The following MCC variants were observed in gnomAD, a reference collection of about 807,000 sequenced individuals.
MCC encodes colorectal mutant cancer protein.
In MCC, 90 loss-of-function variants were observed where a neutral mutation model predicts 116.2. The ratio of observed to expected loss-of-function variants is 0.77; its 90% confidence interval spans 0.65 to 0.92. MCC has a LOEUF of 0.92. Ranked by LOEUF, MCC falls within the 40% of genes least tolerant of loss-of-function variation. The pLI, the probability that MCC is intolerant of heterozygous loss-of-function variation, is 0.00. For missense variants in MCC, 1,516 were observed against 1,312.2 expected (o/e 1.16, Z -2.40); for synonymous variants, 578 against 510.5 (o/e 1.13, Z -1.78).
At chr5:113,073,653 C>T (rs932492744) in intron 11 of MCC, among the ~76,000 whole-genome samples, 18 of 141,918 alleles carry the variant, frequency 1.3e-4, no homozygotes, top group African/African-American at 4.5e-4. Flanking sequence ...CGCCATATGG[C>T]TGCTTTTTTT....
intron 17 of MCC, among the ~76,000 whole-genome samples, chr5:113,034,390 C>T (rs942797795): frequency 1.4e-4 from 21 of 152,160 alleles, no homozygotes; most frequent in East Asian, 3.9e-4. Context: ...CCTGGCAGTG[C>T]GGCTTCGTGA....
At chr5:113,150,194 T>C (rs1759768597) in intron 4 of MCC, among the ~76,000 whole-genome samples, 1 of 152,128 alleles carries the variant, frequency 6.6e-6, no homozygotes, top group Admixed American at 6.5e-5. Flanking sequence ...AGCCAGACAG[T>C]GACAGAAAGC....
At chr5:113,294,727 C>A (rs1240922513) in intron 3 of MCC, 2 of 1,002,060 alleles carry the variant, frequency 2.0e-6, no homozygotes, top group Non-Finnish European at 2.4e-6. Flanking sequence ...GCCACTCCTA[C>A]GGTGCCTCGC....
At chr5:113,462,119 T>A (rs765665770) in intron 1 of MCC, among the ~76,000 whole-genome samples, 17 of 152,262 alleles carry the variant, frequency 1.1e-4, no homozygotes, top group Admixed American at 2.6e-4. Context: ...TTTCTTGCTT[T>A]ACTTTTCAAA....
Position 113,484,808 on chromosome 5 carries a change from T to C in MCC, c.170+3437A>G, listed in dbSNP as rs540747603. On this transcript the variant is annotated intron_variant, in intron 1 of 18. Coordinates refer to ENST00000408903, the MANE Select transcript of MCC (RefSeq NM_001085377.2). Reference sequence around the variant, plus strand: ...AAGCTTTAAAATTCCAAAGGGAAAATAATTTCAACAAATAGAGTAACCTCC... The same window carrying C: ...AAGCTTTAAAATTCCAAAGGGAAAACAATTTCAACAAATAGAGTAACCTCC... 2.6e-5 allele frequency among the ~76,000 whole-genome samples: 4 copies of C among 152,242 alleles called. No individual in the cohort carries two copies. In the South Asian group the frequency reaches 6.2e-4, roughly 24 times the overall value.
At chr5:113,310,220 G>A (rs1767104732) in intron 3 of MCC, among the ~76,000 whole-genome samples, 1 of 152,214 alleles carries the variant, frequency 6.6e-6, no homozygotes, top group Admixed American at 6.5e-5. Flanking sequence ...TCATAAATGA[G>A]ATTAATACCC....
intron 3 of MCC, among the ~76,000 whole-genome samples, chr5:113,180,845 T>C (rs1431064775): frequency 1.3e-5 from 2 of 152,196 alleles, no homozygotes; most frequent in Non-Finnish European, 2.9e-5. Flanking sequence ...TAGTTAACAA[T>C]TACATTTTAA....
chr5:113,345,485 C>T (rs1035294042), intron 2 of MCC, among the ~76,000 whole-genome samples: 4 of 152,312 alleles, frequency 2.6e-5, no homozygotes, highest in Admixed American at 6.5e-5. Flanking sequence ...ACTTCAGGTC[C>T]GACTCAGTGT....
chr5:113,402,304 A>AAC (rs568032922), intron 1 of MCC, among the ~76,000 whole-genome samples: 1 of 143,530 alleles, frequency 7.0e-6, no homozygotes, highest in African/African-American at 2.5e-5. Context: ...AAAAAAAAAA[A>AAC]AAAAAAACAC....
intron 3 of MCC, among the ~76,000 whole-genome samples, chr5:113,262,264 T>C (rs1456275137): frequency 1.3e-5 from 2 of 152,132 alleles, no homozygotes; most frequent in African/African-American, 4.8e-5. Flanking sequence ...AATCCCATGA[T>C]TCTAGGCATA....
intron 4 of MCC, among the ~76,000 whole-genome samples, chr5:113,144,692 C>A (rs1759385828): frequency 6.6e-6 from 1 of 152,224 alleles, no homozygotes; most frequent in African/African-American, 2.4e-5. Context: ...GGGCCTGCAC[C>A]TCAACAACAG....
intron 17 of MCC, among the ~76,000 whole-genome samples, chr5:113,036,012 CTTTTTTTTTTTTTTTTTTTTT>C (rs771378295): frequency 4.8e-5 from 3 of 62,904 alleles, no homozygotes; most frequent in African/African-American, 2.0e-4. Flanking sequence ...GGATGAGGAA[CTTTTTTTTTTTTTTTTTTTTT>C]TTTTTTTTTT....
At chr5:113,184,613 C>G (rs1761805989) in intron 3 of MCC, among the ~76,000 whole-genome samples, 1 of 151,536 alleles carries the variant, frequency 6.6e-6, no homozygotes, top group South Asian at 2.1e-4. Flanking sequence ...TAGGTGTGCA[C>G]AACCACGCCC....
intron 2 of MCC, among the ~76,000 whole-genome samples, chr5:113,346,491 C>T (rs993703831): frequency 1.3e-5 from 2 of 151,988 alleles, no homozygotes; most frequent in African/African-American, 4.8e-5. Flanking sequence ...ATCCCAGCTA[C>T]TTGGGAGGCT....
chr5:113,230,384 C>T (rs781464727), intron 3 of MCC, among the ~76,000 whole-genome samples: 3 of 152,150 alleles, frequency 2.0e-5, no homozygotes, highest in African/African-American at 4.8e-5. Flanking sequence ...CAACACAGAA[C>T]ATCAATGTGT....
At chr5:113,412,964 A>G (rs1049168187) in intron 1 of MCC, among the ~76,000 whole-genome samples, 2 of 152,174 alleles carry the variant, frequency 1.3e-5, no homozygotes, top group African/African-American at 4.8e-5. Context: ...TAGCTTATTG[A>G]GAGTTTTTAG....
At chr5:113,235,481 A>C (rs555202040) in intron 3 of MCC, among the ~76,000 whole-genome samples, 6 of 152,352 alleles carry the variant, frequency 3.9e-5, no homozygotes, top group Non-Finnish European at 7.4e-5. Context: ...GAAAACATCA[A>C]TTTAAGTGGA....
At chr5:113,084,001 T>C in intron 10 of MCC, 100 bp downstream of exon 10, 1 of 866,560 alleles carries the variant, frequency 1.2e-6, no homozygotes. Flanking sequence ...ACTAACTGGT[T>C]TATTGGAGAT....
In MCC at chr5:113,385,069, C is replaced by G. The variant is rs1769221146; in HGVS notation, c.314G>C (p.Arg105Thr). 4 of 1,614,096 alleles carry G rather than the reference C, an allele frequency of 2.5e-6. No individual in the cohort carries two copies. The highest frequency in any genetic ancestry group is 1.3e-5 in the African/African-American group (1 of 74,924). The change falls in exon 2 of 19, where the codon AGG (arginine) becomes ACG (threonine). Residue 105 changes from arginine to threonine, a missense_variant. By Grantham distance (71) the Arg-to-Thr change is moderately conservative (BLOSUM62 -1). Transcript: ENST00000408903. ...TGCAGAAAGATCTACTTCCTCCTTC[C>G]TAATTTCTCGAACAAGCTGCATGCG... ...RCRMQLVREI[R>T]KEEVDLSAKS...
Sources: gnomAD v4.1 joint callset for allele counts (sites outside exome capture counted in the v4.1 genomes callset) on GRCh38, gnomAD v4.1.1 for gene constraint, MANE v1.5 for transcripts, NCBI Gene and HGNC (gene_info 2026-07-23, HGNC 2026-07-21) for gene names.